FSIP2: variants seen among roughly 807,000 people sequenced by gnomAD.
FSIP2 encodes fibrous sheath interacting protein 2, also known as fibrous sheath-interacting protein 2.
A neutral mutation model predicts 510.5 loss-of-function variants in FSIP2; 367 were observed. The ratio of observed to expected loss-of-function variants is 0.72; its 90% CI spans 0.66 to 0.78. The LOEUF (loss-of-function observed/expected upper bound fraction) is 0.78. FSIP2 is among the 30% of genes least tolerant of loss of function. FSIP2 has a pLI of 0.00. For synonymous variants in FSIP2, 2,601 were observed against 2,732.2 expected, an observed-to-expected ratio of 0.95 and a Z score of 1.50; for missense variants, 7,594 against 7,901.7, an observed-to-expected ratio of 0.96 and a Z score of 1.48.
rs776620846 is a variant in FSIP2 at position 185,802,873 on chromosome 2, C to A, written c.13567C>A (p.Arg4523=). The change falls in exon 17 of 23, where the codon CGA becomes AGA. Residue 4523 remains arginine, a synonymous_variant. Transcript: ENST00000424728. ...IRMKVSQHEI[R]FSKEEEETKF... ...GATGAAAGTTTCCCAACATGAAATTCGATTTTCAAAAGAGGAAGAAGAAAC... is the reference window on the plus strand; with the variant it reads ...GATGAAAGTTTCCCAACATGAAATTAGATTTTCAAAAGAGGAAGAAGAAAC... 101 of 1,498,528 alleles carry A rather than the reference C, an allele frequency of 6.7e-5. No individual in the cohort carries two copies. In the South Asian group the frequency reaches 1.2e-3, roughly 18 times the overall value. 92.8% of individuals were successfully genotyped at this position (1,498,528 alleles called of 1,614,324 possible).
chr2:185,744,504 C>T (rs1033180712), intron 4 of FSIP2, 93 bp downstream of exon 4: 1 of 272,346 alleles, frequency 3.7e-6, no homozygotes, highest in Non-Finnish European at 6.8e-6. Flanking sequence ...TATTTTGATC[C>T]TTTATTATTG....
chr2:185,777,439 G>A (rs11894788), intron 13 of FSIP2, among the ~76,000 whole-genome samples: 79,138 of 144,988 alleles, frequency 0.55, 21,720 homozygotes, highest in South Asian at 0.64. Context: ...AAGACCTGAA[G>A]TGCAATGATT....
chr2:185,772,418 G>C (rs184452150), intron 13 of FSIP2, among the ~76,000 whole-genome samples: 3 of 152,258 alleles, frequency 2.0e-5, no homozygotes, highest in Middle Eastern at 3.4e-3. Flanking sequence ...TCACGGTTCT[G>C]CATGGCACCA....
Position 185,815,487 on chromosome 2 carries a change from G to A in FSIP2, c.20426+16G>A, listed in dbSNP as rs1361589861. On this transcript the variant is annotated intron_variant, in intron 19 of 22. Transcript: ENST00000424728. ...CATCTACTGGGTATATGAAATTAAA[G>A]CAGTAGAAATATAGAAATCTGATAA... The A allele has an allele frequency of 3.5e-6, 4 of 1,154,146 alleles. No individual in the cohort carries two copies. The highest frequency in any genetic ancestry group is 3.2e-5 in the African/African-American group (2 of 62,438). 71.5% of individuals were successfully genotyped at this position (1,154,146 alleles called of 1,614,324 possible).
chr2:185,801,800 G>A lies in FSIP2; in HGVS notation c.12494G>A (p.Gly4165Glu). The stretch of plus-strand genomic sequence containing the variant: ...CCACCCATTACATGTTCCTCTTTAG[G>A]AAAAAAATATTTAATGAGTTCTGAT... The part of the protein sequence containing the change: ...IPPPITCSSL[G>E]KKYLMSSDFN... The change falls in exon 17 of 23, where the codon GGA (glycine) becomes GAA (glutamate). Residue 4165 changes from glycine to glutamate, a missense_variant. Transcript: ENST00000424728. 6.7e-7 allele frequency: 1 copy of A among 1,492,244 alleles called. No individual in the cohort carries two copies. Among genetic ancestry groups the A allele is most frequent in the Non-Finnish European group, 8.9e-7 (1 of 1,126,870 alleles). 92.4% of individuals were successfully genotyped at this position (1,492,244 alleles called of 1,614,324 possible). A position where few individuals can be genotyped will look rare whatever the true frequency, so the allele number is the denominator to read the frequency against.
rs2105652281 is a variant in FSIP2, at chr2:185,806,631, A to C, written c.17325A>C (p.Arg5775=). Residue 5775 remains arginine (R), a synonymous_variant, in exon 17 of 23, where the codon CGA becomes CGC. Transcript: ENST00000424728. ...PSKPDDPQNQ[R]ESKPGIFPAK... is the part of the protein sequence containing the mutation. ...AACCAGATGATCCTCAAAACCAACG[A>C]GAAAGTAAACCTGGAATTTTTCCCG... is the stretch of plus-strand genomic sequence containing the variant. The C allele has an allele frequency of 6.2e-7, 1 of 1,606,792 alleles. No homozygotes were observed. The highest frequency in any genetic ancestry group is 2.2e-5 in the East Asian group (1 of 44,708).
rs1285002351 is a variant in FSIP2 at position 185,801,955 on chromosome 2, G to A, written c.12649G>A (p.Val4217Ile). 3 of 1,523,132 alleles carry A rather than the reference G, an allele frequency of 2.0e-6. No homozygotes were observed. The African/African-American group carries it at 4.2e-5, about 21-fold the overall frequency. The allele number at this position is 1,523,132 out of a possible 1,614,324, so 94.4% of individuals were successfully genotyped here. A position where few individuals can be genotyped will look rare whatever the true frequency, so the allele number is the denominator to read the frequency against. ...GKNLQKMVDS[V>I]YCNILQMSDS... is the part of the protein sequence containing the mutation. ...AAACCTCCAAAAGATGGTGGATTCT[G>A]TATATTGTAATATTTTGCAAATGTC... Residue 4217 changes from valine (V) to isoleucine (I), a missense_variant, in exon 17 of 23, where the codon GTA becomes ATA. By Grantham distance (29) the Val-to-Ile change is conservative. Transcript: ENST00000424728.
chr2:185,832,964 G>A (rs925070856), intron 22 of FSIP2, 126 bp from the exon 23 acceptor site: 4 of 711,892 alleles, frequency 5.6e-6, no homozygotes, highest in African/African-American at 3.6e-5. Flanking sequence ...ATGATGCCAT[G>A]AGAGTCAGAA....
chr2:185,822,201 T>C (rs1693933888), intron 19 of FSIP2, among the ~76,000 whole-genome samples: 1 of 151,872 alleles, frequency 6.6e-6, no homozygotes. Flanking sequence ...CTATTTAACA[T>C]AGTACTGAAA....
Position 185,793,503 on chromosome 2 carries a change from G to A in FSIP2, c.6367G>A (p.Ala2123Thr). 1 of 1,534,398 alleles carries A rather than the reference G, an allele frequency of 6.5e-7. No individual in the cohort carries two copies. Among genetic ancestry groups the A allele is most frequent in the Non-Finnish European group, 8.7e-7 (1 of 1,145,684 alleles). Residue 2123 changes from alanine to threonine, a missense_variant, in exon 16 of 23, where the codon GCT becomes ACT. Transcript: ENST00000424728. ...FATPTLKCSI[A>T]DKHSEENSEM... ...CACACCCACTCTGAAATGTAGCATA[G>A]CTGATAAACATTCAGAAGAAAATTC...
rs1693786219 is a variant in FSIP2 at position 185,813,945 on chromosome 2, C to A, written c.20228C>A (p.Thr6743Lys). The change falls in exon 18 of 23, where the codon ACA becomes AAA. Residue 6743 changes from threonine to lysine, a missense_variant. Transcript: ENST00000424728. Reference sequence around the variant, plus strand: ...AATCAGGTAATAGAATCCAAGGAGACACATGTTAAAAGAGCTGTTGCTGAG... The same window carrying A: ...AATCAGGTAATAGAATCCAAGGAGAAACATGTTAAAAGAGCTGTTGCTGAG... Reference protein sequence around the residue: ...ISNQVIESKETHVKRAVAELD... With the variant: ...ISNQVIESKEKHVKRAVAELD... 6.2e-7 allele frequency: 1 copy of A among 1,613,488 alleles called. No homozygotes were observed.
At position 185,807,155 on chromosome 2, in the gene FSIP2, C is replaced by G. The variant is rs1280680692; in HGVS notation, c.17849C>G (p.Thr5950Ser). 2.5e-6 allele frequency: 4 copies of G among 1,603,896 alleles called. No homozygotes were observed. In the East Asian group the frequency reaches 8.9e-5, roughly 36 times the overall value. The change falls in exon 17 of 23, where the codon ACT (threonine) becomes AGT (serine). Residue 5950 changes from threonine (T) to serine (S), a missense_variant. Thr to Ser is a moderately conservative substitution (Grantham distance 58, BLOSUM62 1). Transcript: ENST00000424728. ...SNGENLARRL[T>S]SAVINEIFQR... ...GGAGAAAATTTAGCAAGAAGACTAA[C>G]TAGTGCAGTGATAAATGAAATTTTC... is the stretch of plus-strand genomic sequence containing the variant.
At chr2:185,757,432 T>G in intron 9 of FSIP2, among the ~76,000 whole-genome samples, 1 of 151,398 alleles carries the variant, frequency 6.6e-6, no homozygotes, top group Non-Finnish European at 1.5e-5. Flanking sequence ...CATATCAGAA[T>G]TGGGTGGAGG....
chr2:185,796,617 G>A lies in FSIP2; in HGVS notation c.9481G>A (p.Ala3161Thr), dbSNP rs1258254647. 1.6e-5 allele frequency: 25 copies of A among 1,534,912 alleles called. No homozygotes were observed. In the East Asian group the frequency reaches 5.4e-4, roughly 33 times the overall value. The change falls in exon 16 of 23, where the codon GCA becomes ACA. Residue 3161 changes from alanine to threonine, a missense_variant. By Grantham distance (58) the Ala-to-Thr change is moderately conservative (BLOSUM62 0). Transcript: ENST00000424728. ...NAYTVNQVEL[A>T]TNMKMFTSKL... ...CTACACTGTTAATCAGGTTGAATTA[G>A]CAACTAATATGAAAATGTTCACATC...
Position 185,793,228 on chromosome 2 carries a change from T to G in FSIP2, c.6092T>G (p.Ile2031Ser). 1 of 1,534,006 alleles carries G rather than the reference T, an allele frequency of 6.5e-7. No homozygotes were observed. The highest frequency in any genetic ancestry group is 8.7e-7 in the Non-Finnish European group (1 of 1,145,516). The change falls in exon 16 of 23, where the codon ATT becomes AGT. Residue 2031 changes from isoleucine to serine, a missense_variant. By Grantham distance (142) the Ile-to-Ser change is moderately radical. Transcript: ENST00000424728. ...GAAAATCCTTTTTTAACTCATGACATTGGGATTTCTGAAAGTATTGCAAGT... is the reference window on the plus strand; with the variant it reads ...GAAAATCCTTTTTTAACTCATGACAGTGGGATTTCTGAAAGTATTGCAAGT... ...ERENPFLTHD[I>S]GISESIASQI...
At chr2:185,809,223 C>T in intron 17 of FSIP2, 90 bp downstream of exon 17, 1 of 1,372,636 alleles carries the variant, frequency 7.3e-7, no homozygotes, top group South Asian at 1.7e-5. Context: ...TATGGAAATG[C>T]ATTCATTGTT....
At position 185,797,318 on chromosome 2, in the gene FSIP2, G is replaced by A. The variant is rs576207898; in HGVS notation, c.10182G>A (p.Glu3394=). Residue 3394 remains glutamate, a synonymous_variant, in exon 16 of 23, where the codon GAG becomes GAA. Transcript: ENST00000424728. ...ATAAAAAAATCAACTATATACCTGA[G>A]GAAGAAAATGAAAACCTTGAAGCCA... The part of the protein sequence containing the change: ...MQDKKINYIP[E]EENENLEASR... 1.3e-6 allele frequency: 2 copies of A among 1,525,134 alleles called. No individual in the cohort carries two copies. Among genetic ancestry groups the A allele is most frequent in the African/African-American group, 1.4e-5 (1 of 71,964 alleles). 94.5% of individuals were successfully genotyped at this position (1,525,134 alleles called of 1,614,324 possible).
intron 17 of FSIP2, 108 bp from the exon 18 acceptor site, chr2:185,813,437 T>C (rs1033996674): frequency 7.2e-6 from 4 of 558,988 alleles, no homozygotes; most frequent in Non-Finnish European, 5.9e-6. Context: ...TTGAAGATAT[T>C]ACTTAAATCA....
Position 185,772,598 on chromosome 2 carries a change from G to A in FSIP2, c.1411+8033G>A, listed in dbSNP as rs576394835. 3.2e-4 allele frequency among the ~76,000 whole-genome samples: 48 copies of A among 152,208 alleles called. No homozygotes were observed. In the South Asian group the frequency reaches 5.6e-3, roughly 18 times the overall value. On this transcript the variant is annotated intron_variant, in intron 13 of 22. Coordinates refer to ENST00000424728, the MANE Select transcript of FSIP2 (RefSeq NM_173651.4). ...AAGAACTCACTCATTACTGCTGTAA[G>A]GAGGGCACCAAGTCATCCATGAGGG...
Sources: gnomAD v4.1 joint callset for allele counts (sites outside exome capture counted in the v4.1 genomes callset) on GRCh38, gnomAD v4.1.1 for gene constraint, MANE v1.5 for transcripts, NCBI Gene and HGNC (gene_info 2026-07-23, HGNC 2026-07-21) for gene names.